XRN2: variants seen among roughly 807,000 people sequenced by gnomAD.
XRN2 encodes the protein DHM1-like protein.
XRN2 carries 44 observed loss-of-function variants against 138.5 expected under a neutral mutation model. The observed-to-expected ratio is 0.32, with a 90% CI of 0.25 to 0.41. XRN2 has a LOEUF of 0.41. Ranked by LOEUF, XRN2 falls within the 10% of genes least tolerant of loss-of-function variation. The probability of loss-of-function intolerance (pLI) is 1.00; values close to 1 mark genes in which losing one functional copy is unlikely to be tolerated. For missense variants in XRN2, 937 were observed against 1,169.3 expected (o/e 0.80, Z 2.90); for synonymous variants, 354 against 369.4 (o/e 0.96, Z 0.48).
intron 1 of XRN2, among the ~76,000 whole-genome samples, chr20:21,325,224 T>G (rs572568456): frequency 1.3e-5 from 2 of 152,342 alleles, no homozygotes; most frequent in East Asian, 3.9e-4. Flanking sequence ...GGAACTGTTA[T>G]TTTTTTAAGT....
chr20:21,339,550 T>C (rs888523364), intron 14 of XRN2, among the ~76,000 whole-genome samples: 3 of 152,194 alleles, frequency 2.0e-5, no homozygotes, highest in African/African-American at 7.2e-5. Context: ...CACACTGTCA[T>C]CCAGTTGAAT....
In XRN2 at chr20:21,303,396, G is replaced by T; in HGVS notation, c.-3G>T. On this transcript the variant is annotated 5_prime_UTR_variant, in exon 1 of 30. Coordinates refer to ENST00000377191, the MANE Select transcript of XRN2 (RefSeq NM_012255.5). ...CGGCCGCCGCCTCCAGCCGTGTGCC[G>T]CTATGGGAGTCCCGGCGTTCTTCCG... 1 of 1,548,324 alleles carries T rather than the reference G, an allele frequency of 6.5e-7. No homozygotes were observed. The highest frequency in any genetic ancestry group is 8.7e-7 in the Non-Finnish European group (1 of 1,145,932).
chr20:21,350,548 A>AAG (rs2038496199), intron 20 of XRN2, among the ~76,000 whole-genome samples: 1 of 150,872 alleles, frequency 6.6e-6, no homozygotes, highest in Non-Finnish European at 1.5e-5. Context: ...AAAAAAAAAA[A>AAG]AAAAAGAAAT....
intron 15 of XRN2, among the ~76,000 whole-genome samples, chr20:21,343,090 C>CT (rs2038392377): frequency 6.6e-6 from 1 of 151,976 alleles, no homozygotes; most frequent in Non-Finnish European, 1.5e-5. Context: ...TGTGGATACT[C>CT]TAATTATTAT....
chr20:21,339,805 T>A (rs2122231566), intron 14 of XRN2, among the ~76,000 whole-genome samples: 1 of 152,320 alleles, frequency 6.6e-6, no homozygotes, highest in East Asian at 1.9e-4. Context: ...TAATGCTTTA[T>A]AGTCATTTAA....
intron 14 of XRN2, 112 bp downstream of exon 14, chr20:21,339,200 G>GT (rs2038339516): frequency 1.9e-6 from 2 of 1,042,416 alleles, no homozygotes; most frequent in Non-Finnish European, 2.8e-6. Context: ...AGTCAGGGAC[G>GT]TAAGTGTCCA....
chr20:21,355,005 T>G (rs1279876326), intron 21 of XRN2, 133 bp downstream of exon 21: 1 of 637,196 alleles, frequency 1.6e-6, no homozygotes. Context: ...TTTTATTTTC[T>G]TATTACAGAC....
intron 28 of XRN2, among the ~76,000 whole-genome samples, chr20:21,382,369 G>C (rs2038895372): frequency 6.6e-6 from 1 of 152,178 alleles, no homozygotes; most frequent in African/African-American, 2.4e-5. Flanking sequence ...TTTCTTTTTA[G>C]AAGGGTTGTG....
At chr20:21,329,680 G>A (rs2038176280) in intron 4 of XRN2, among the ~76,000 whole-genome samples, 1 of 151,990 alleles carries the variant, frequency 6.6e-6, no homozygotes, top group African/African-American at 2.4e-5. Context: ...AAATATACTT[G>A]TTTCTTGAGA....
intron 24 of XRN2, among the ~76,000 whole-genome samples, chr20:21,359,901 T>G (rs1402744635): frequency 6.6e-6 from 1 of 152,088 alleles, no homozygotes; most frequent in East Asian, 1.9e-4. Context: ...TCTTCCTTAT[T>G]TAAATACATC....
chr20:21,376,019 T>C (rs1021479794), intron 27 of XRN2, among the ~76,000 whole-genome samples: 3 of 152,108 alleles, frequency 2.0e-5, no homozygotes, highest in Admixed American at 6.5e-5. Context: ...TTTGTGTTTT[T>C]AGTAGAGACG....
At chr20:21,338,940 C>A in intron 13 of XRN2, 104 bp from the exon 14 acceptor site, 2 of 1,034,562 alleles carry the variant, frequency 1.9e-6, no homozygotes, top group Non-Finnish European at 2.9e-6. Context: ...TTTCTGGGGT[C>A]GTCCTTTAAA....
chr20:21,310,018 GTTTA>G (rs1321649285), intron 1 of XRN2, among the ~76,000 whole-genome samples: 1 of 151,914 alleles, frequency 6.6e-6, no homozygotes, highest in African/African-American at 2.4e-5. Context: ...TCTCTTCCTT[GTTTA>G]TTAAGGTAGA....
intron 7 of XRN2, 54 bp from the exon 8 acceptor site, chr20:21,331,714 T>C: frequency 2.5e-6 from 4 of 1,591,970 alleles, no homozygotes; most frequent in African/African-American, 1.4e-5. Flanking sequence ...TATGAAGTGA[T>C]ATTCTTGTGG....
At chr20:21,359,361 C>T (rs1306793165) in intron 24 of XRN2, among the ~76,000 whole-genome samples, 2 of 151,914 alleles carry the variant, frequency 1.3e-5, no homozygotes, top group Non-Finnish European at 2.9e-5. Context: ...ATGGTGAAAC[C>T]CTATCTCTAC....
At chr20:21,386,736 T>C in intron 28 of XRN2, 132 bp from the exon 29 acceptor site, 1 of 1,111,204 alleles carries the variant, frequency 9.0e-7, no homozygotes, top group Non-Finnish European at 1.3e-6. Context: ...GCCATTCTGA[T>C]ACTCTGTATC....
chr20:21,353,513 A>T (rs1035096880), intron 20 of XRN2, among the ~76,000 whole-genome samples: 2 of 151,842 alleles, frequency 1.3e-5, no homozygotes, highest in African/African-American at 4.8e-5. Context: ...AAAAAAGATC[A>T]GGTGCAGTGG....
In XRN2 at chr20:21,377,446, AG is replaced by A. The variant is rs199734878; in HGVS notation, c.2585-4545del. Among the ~76,000 whole-genome samples, 576 of 151,378 alleles carry A rather than the reference AG, an allele frequency of 3.8e-3. 5 individuals are homozygous for A. Among genetic ancestry groups the A allele is most frequent in the African/African-American group, 0.013 (556 of 41,264 alleles). On this transcript the variant is annotated intron_variant, in intron 27 of 29. Transcript: ENST00000377191. Reference sequence around the variant, plus strand: ...TACTTTTTGTATTTTTAGTAGAGTCAGGGTTTTGCCATATTGGCCAGGCTGG... The same window carrying A: ...TACTTTTTGTATTTTTAGTAGAGTCAGGTTTTGCCATATTGGCCAGGCTGG...
At chr20:21,363,173 C>T (rs1471866250) in intron 24 of XRN2, among the ~76,000 whole-genome samples, 2 of 152,192 alleles carry the variant, frequency 1.3e-5, no homozygotes, top group African/African-American at 4.8e-5. Context: ...CACACACATG[C>T]TTTGACTCAG....
Sources: allele counts gnomAD v4.1 joint callset (sites outside exome capture counted in the v4.1 genomes callset), GRCh38; gene constraint gnomAD v4.1.1; transcripts MANE v1.5; gene names NCBI Gene and HGNC (gene_info 2026-07-23, HGNC 2026-07-21).